The following ALDH3B2 variants were observed in gnomAD, a reference collection of about 807,000 sequenced individuals.
ALDH3B2 encodes the protein aldehyde dehydrogenase 3 family member B2.
A neutral mutation model predicts 36.7 loss-of-function variants in ALDH3B2; 45 were observed. That is an observed-to-expected ratio of 1.23 (90% CI 0.97 to 1.57). The LOEUF (loss-of-function observed/expected upper bound fraction) is 1.57. Ranked by LOEUF, ALDH3B2 falls within the 40% of genes most tolerant of loss-of-function variation. The pLI is 0.00. For synonymous variants in ALDH3B2, 217 were observed against 226.5 expected (o/e 0.96, Z 0.38); for missense variants, 464 against 513.3 (o/e 0.90, Z 0.93).
intron 1 of ALDH3B2, among the ~76,000 whole-genome samples, chr11:67,671,523 A>G (rs1290325192): frequency 1.4e-5 from 2 of 146,704 alleles, no homozygotes; most frequent in African/African-American, 5.0e-5. Context: ...CTGGAAACTG[A>G]TCAGGGCCAA....
chr11:67,670,168 G>C (rs1409217160), intron 1 of ALDH3B2, among the ~76,000 whole-genome samples: 1 of 84,260 alleles, frequency 1.2e-5, no homozygotes, highest in Admixed American at 1.3e-4. Context: ...CTGTGTCCAC[G>C]TGTGTCTGTG....
exon 7 of ALDH3B2, chr11:67,665,671 C>T: frequency 6.2e-7 from 1 of 1,602,522 alleles, no homozygotes; most frequent in Non-Finnish European, 8.5e-7. Context: ...ACGAGGGCTC[C>T]CTGGGCGTGG....
At chr11:67,664,610 C>T in intron 7 of ALDH3B2, 48 bp from the exon 8 acceptor site, 2 of 1,602,290 alleles carry the variant, frequency 1.2e-6, no homozygotes, top group Non-Finnish European at 1.7e-6. Context: ...GTCAGGACTG[C>T]CCCCAGGGGT....
chr11:67,675,963 A>G (rs1168395398), upstream of ALDH3B2, among the ~76,000 whole-genome samples: 1 of 152,194 alleles, frequency 6.6e-6, no homozygotes, highest in African/African-American at 2.4e-5. Context: ...AATGTAAAAT[A>G]GGTCGGGTGC....
At chr11:67,680,534 G>A (rs567518666) in intron 1 of ALDH3B2, among the ~76,000 whole-genome samples, 45 of 151,984 alleles carry the variant, frequency 3.0e-4, no homozygotes, top group Admixed American at 9.8e-4. Context: ...CTCCAGCCTC[G>A]GCCTCCTGAG....
intron 1 of ALDH3B2, among the ~76,000 whole-genome samples, chr11:67,672,132 G>GTATATATA (rs1316141722): frequency 3.1e-5 from 3 of 96,458 alleles, no homozygotes; most frequent in African/African-American, 1.5e-4. Flanking sequence ...GTGTGTGTGT[G>GTATATATA]TGTATATATA....
intron 1 of ALDH3B2, among the ~76,000 whole-genome samples, chr11:67,668,479 T>C (rs12295420): frequency 0.96 from 146,779 of 152,222 alleles, 71,016 homozygotes; most frequent in Middle Eastern, 1. Flanking sequence ...AACGGGATTC[T>C]GAGCATCCCA....
chr11:67,663,559 G>T, intron 9 of ALDH3B2, 103 bp downstream of exon 9: 1 of 1,372,274 alleles, frequency 7.3e-7, no homozygotes, highest in Non-Finnish European at 1.0e-6. Flanking sequence ...GGCCTTGAGA[G>T]GCCCAGGGTG....
chr11:67,666,524 G>A (rs1289664367), intron 4 of ALDH3B2, 50 bp downstream of exon 4: 1 of 1,611,446 alleles, frequency 6.2e-7, no homozygotes, highest in Non-Finnish European at 8.5e-7. Flanking sequence ...GGCCTCTTTG[G>A]GAGGGGCTAC....
chr11:67,663,329 C>T, exon 10 of ALDH3B2: 2 of 1,614,116 alleles, frequency 1.2e-6, no homozygotes, highest in Non-Finnish European at 8.5e-7. Context: ...AGGGGGCGAG[C>T]AGGCAGGTGC....
chr11:67,664,942 G>A (rs113982152), intron 7 of ALDH3B2, among the ~76,000 whole-genome samples: 18 of 152,320 alleles, frequency 1.2e-4, no homozygotes, highest in African/African-American at 3.4e-4. Flanking sequence ...GGATGGGGCC[G>A]TCAGAGTTTA....
chr11:67,669,587 GGTGCT>G, intron 1 of ALDH3B2, among the ~76,000 whole-genome samples: 1 of 150,082 alleles, frequency 6.7e-6, no homozygotes, highest in East Asian at 2.0e-4. Context: ...TGTGTGTATG[GGTGCT>G]GTGTCCATGT....
upstream of ALDH3B2, among the ~76,000 whole-genome samples, chr11:67,678,705 G>GTCTCTC (rs200393490): frequency 1.0e-4 from 5 of 48,266 alleles, no homozygotes; most frequent in Admixed American, 3.3e-4. Context: ...ACACTATGGT[G>GTCTCTC]TCTATATATA....
At chr11:67,668,872 TTGTGTGTATGGGTGTCTG>T (rs1383372672) in intron 1 of ALDH3B2, among the ~76,000 whole-genome samples, 3 of 149,238 alleles carry the variant, frequency 2.0e-5, no homozygotes, top group African/African-American at 5.0e-5. Context: ...CTGTGTGTCT[TTGTGTGTATGGGTGTCTG>T]TGTGTGTATG....
chr11:67,666,000 G>T, intron 6 of ALDH3B2, 122 bp downstream of exon 6: 1 of 1,296,768 alleles, frequency 7.7e-7, no homozygotes, highest in Non-Finnish European at 1.1e-6. Flanking sequence ...CGGACTCTGT[G>T]CCAGCTCCAG....
intron 1 of ALDH3B2, among the ~76,000 whole-genome samples, chr11:67,668,947 G>A (rs1403537404): frequency 6.7e-6 from 1 of 149,810 alleles, no homozygotes; most frequent in African/African-American, 2.5e-5. Context: ...GTATGGGTGT[G>A]TGTATGTGTG....
upstream of ALDH3B2, among the ~76,000 whole-genome samples, chr11:67,675,967 C>T (rs1055107321): frequency 2.0e-5 from 3 of 152,152 alleles, no homozygotes; most frequent in Non-Finnish European, 2.9e-5. Context: ...TAAAATAGGT[C>T]GGGTGCGGTG....
rs777667881 is a variant in ALDH3B2, at chr11:67,666,585, G to A, written c.140C>T (p.Ala47Val). 7 of 1,614,076 alleles carry A rather than the reference G, an allele frequency of 4.3e-6. No homozygotes were observed. In the South Asian group the frequency reaches 5.5e-5, roughly 13 times the overall value. Residue 47 changes from alanine to valine, a missense_variant, in exon 4 of 10, where the codon GCC (alanine) becomes GTC (valine). Ala to Val is a moderately conservative substitution (Grantham distance 64). Transcript: ENST00000349015. Reference sequence around the variant, plus strand: ...AACGCCCTCCTCACCTGCGGCGAGGGCGCCCACCAGGAGCACCAGGGTCAG... The same window carrying A: ...AACGCCCTCCTCACCTGCGGCGAGGACGCCCACCAGGAGCACCAGGGTCAG...
chr11:67,665,953 G>A (rs1591142622), intron 6 of ALDH3B2, among the ~76,000 whole-genome samples, 169 bp downstream of exon 6: 1 of 152,134 alleles, frequency 6.6e-6, no homozygotes, highest in East Asian at 1.9e-4. Flanking sequence ...GGATCCAGTT[G>A]CTGCAATGTG....
Sources: allele counts gnomAD v4.1 joint callset (sites outside exome capture counted in the v4.1 genomes callset), GRCh38; gene constraint gnomAD v4.1.1; transcripts MANE v1.5; gene names NCBI Gene and HGNC (gene_info 2026-07-23, HGNC 2026-07-21).